The following ELFN2 variants were observed in gnomAD, a reference collection of about 807,000 sequenced individuals.
ELFN2 encodes the protein protein phosphatase 1 regulatory subunit 29.
ELFN2 carries 17 observed loss-of-function variants against 45.5 expected under a neutral mutation model. That is an observed-to-expected ratio of 0.37 (90% CI 0.26 to 0.56). ELFN2 has a LOEUF of 0.56. Ranked by LOEUF, ELFN2 falls within the 20% of genes least tolerant of loss-of-function variation. The probability of loss-of-function intolerance (pLI) is 0.77; values close to 1 mark genes in which losing one functional copy is unlikely to be tolerated. For synonymous variants in ELFN2, 550 were observed against 551.5 expected (o/e 1.00, Z 0.04); for missense variants, 922 against 1,183.2 (o/e 0.78, Z 3.24).
chr22:37,375,836 C>CCCTCCT lies in ELFN2; in HGVS notation c.-308_-303dup, dbSNP rs142158248. On this transcript the variant is annotated 5_prime_UTR_variant, in exon 3 of 3. Coordinates refer to ENST00000402918, the MANE Select transcript of ELFN2 (RefSeq NM_052906.5). ...GGGTTCTCAGGGCTTGACTTCCTCT[C>CCCTCCT]CCTCCTCCTCCTCCTCCTCCTCCTC... 0.016 allele frequency: 5,647 copies of CCCTCCT among 345,786 alleles called. 175 individuals carry two copies. The highest frequency in any genetic ancestry group is 0.08 in the African/African-American group (3,546 of 44,234). The allele number at this position is 345,786 out of a possible 1,614,324, so 21.4% of individuals were successfully genotyped here. A position where few individuals can be genotyped will look rare whatever the true frequency, so the allele number is the denominator to read the frequency against.
chr22:37,407,156 G>C (rs1932525420), intron 2 of ELFN2, among the ~76,000 whole-genome samples: 1 of 151,762 alleles, frequency 6.6e-6, no homozygotes, highest in African/African-American at 2.4e-5. Context: ...TGTCGTATGT[G>C]TACATGAGCA....
Position 37,374,678 on chromosome 22 carries a change from G to T in ELFN2, c.857C>A (p.Pro286Gln), listed in dbSNP as rs141906471. Residue 286 changes from proline (P) to glutamine (Q), a missense_variant, in exon 3 of 3, where the codon CCG (proline) becomes CAG (glutamine). Pro to Gln is a moderately conservative substitution (Grantham distance 76). This residue lies in a region of ELFN2 where 358 missense variants were observed against 540.4 expected (regional missense o/e 0.66). Transcript: ENST00000402918. Reference protein sequence around the residue: ...NPDEILSVEPPASSTTDASAG... With the variant: ...NPDEILSVEPQASSTTDASAG... Reference sequence around the variant, plus strand: ...CGACGCATCCGTGGTGGACGAGGCCGGCGGCTCCACCGAAAGGATCTCGTC... The same window carrying T: ...CGACGCATCCGTGGTGGACGAGGCCTGCGGCTCCACCGAAAGGATCTCGTC... The T allele has an allele frequency of 2.7e-5, 43 of 1,611,748 alleles. No individual in the cohort carries two copies. Among genetic ancestry groups the T allele is most frequent in the Non-Finnish European group, 3.1e-5 (37 of 1,178,216 alleles).
downstream of ELFN2, among the ~76,000 whole-genome samples, chr22:37,367,290 C>A (rs1370617635): frequency 6.6e-6 from 1 of 152,222 alleles, no homozygotes; most frequent in South Asian, 2.1e-4. Flanking sequence ...AGTGCCTCAG[C>A]CTGACCAGAG....
downstream of ELFN2, among the ~76,000 whole-genome samples, chr22:37,363,953 G>A (rs1220212746): frequency 6.6e-6 from 1 of 152,166 alleles, no homozygotes; most frequent in Non-Finnish European, 1.5e-5. Flanking sequence ...GCAGACAAAG[G>A]GCCTTGGGAA....
At chr22:37,381,243 C>T (rs1182331039) in intron 2 of ELFN2, among the ~76,000 whole-genome samples, 2 of 152,180 alleles carry the variant, frequency 1.3e-5, no homozygotes, top group Admixed American at 6.5e-5. Flanking sequence ...CTCTCTCCTC[C>T]CCGGCTTCCC....
At chr22:37,352,232 G>A (rs969385862) in intron 1 of ELFN2, 1 of 150,860 alleles carries the variant, frequency 6.6e-6, no homozygotes, top group African/African-American at 2.4e-5. Flanking sequence ...CTTCACCCAG[G>A]TACTAAGGTA....
chr22:37,392,479 A>G (rs1213598483), intron 2 of ELFN2, among the ~76,000 whole-genome samples: 3 of 151,720 alleles, frequency 2.0e-5, no homozygotes, highest in African/African-American at 7.3e-5. Context: ...CACCACACCC[A>G]GCTAATTTTT....
chr22:37,387,206 C>T (rs1390709112), intron 2 of ELFN2, among the ~76,000 whole-genome samples: 1 of 152,082 alleles, frequency 6.6e-6, no homozygotes, highest in African/African-American at 2.4e-5. Flanking sequence ...GATGTCCAGG[C>T]CCCCCAATAG....
chr22:37,396,924 T>C (rs1932228019), intron 2 of ELFN2, among the ~76,000 whole-genome samples: 1 of 152,166 alleles, frequency 6.6e-6, no homozygotes, highest in African/African-American at 2.4e-5. Flanking sequence ...CACTTGCCTA[T>C]CACTCACAGG....
In ELFN2 at chr22:37,373,864, C is replaced by G; in HGVS notation, c.1671G>C (p.Leu557=). 6.2e-7 allele frequency: 1 copy of G among 1,613,380 alleles called. No homozygotes were observed. Among genetic ancestry groups the G allele is most frequent in the Admixed American group, 1.7e-5 (1 of 60,036 alleles). The part of the protein sequence containing the change: ...IINNCIDALK[L]DSASFLGGGS... ...CGCCTCCCAGAAAAGAGGCCGAGTCCAGCTTGAGAGCATCGATGCAGTTGT... is the reference window on the plus strand; with the variant it reads ...CGCCTCCCAGAAAAGAGGCCGAGTCGAGCTTGAGAGCATCGATGCAGTTGT... Residue 557 remains leucine, a synonymous_variant, in exon 3 of 3, where the codon CTG becomes CTC. Transcript: ENST00000402918.
At chr22:37,380,888 G>A (rs889119735) in intron 2 of ELFN2, among the ~76,000 whole-genome samples, 2 of 152,148 alleles carry the variant, frequency 1.3e-5, no homozygotes, top group African/African-American at 4.8e-5. Flanking sequence ...GAGCTCCCTT[G>A]TCATGGAGCT....
intron 2 of ELFN2, among the ~76,000 whole-genome samples, chr22:37,382,563 A>T (rs9607455): frequency 0.081 from 799 of 9,832 alleles, 53 homozygotes; most frequent in African/African-American, 0.19. Flanking sequence ...TTTTTTTTTT[A>T]AAAACAGACT....
intron 2 of ELFN2, among the ~76,000 whole-genome samples, chr22:37,404,340 G>C (rs1422547892): frequency 1.3e-5 from 2 of 152,102 alleles, no homozygotes; most frequent in African/African-American, 4.8e-5. Context: ...CAGCAGGGTG[G>C]GCACATGAAG....
chr22:37,382,117 A>G (rs1358824913), intron 2 of ELFN2, among the ~76,000 whole-genome samples: 2 of 152,120 alleles, frequency 1.3e-5, no homozygotes, highest in Non-Finnish European at 2.9e-5. Context: ...CAGGCAAGGA[A>G]CTGAAACTCA....
At chr22:37,396,156 G>T (rs915962835) in intron 2 of ELFN2, among the ~76,000 whole-genome samples, 3 of 152,192 alleles carry the variant, frequency 2.0e-5, no homozygotes, top group African/African-American at 7.2e-5. Context: ...GGACAAATGC[G>T]CCAGAGACTT....
In ELFN2 at chr22:37,375,484, C is replaced by T. The variant is rs142731471; in HGVS notation, c.51G>A (p.Pro17=). The part of the protein sequence containing the change: ...CAAALLCVCR[P]GAVRADCWLI... The stretch of plus-strand genomic sequence containing the variant: ...GCCAGCAGTCGGCACGCACGGCACC[C>T]GGCCGGCACACGCACAGCAGCGCCG... The change falls in exon 3 of 3, where the codon CCG becomes CCA. Residue 17 remains proline, a synonymous_variant. Transcript: ENST00000402918. 3.1e-5 allele frequency: 49 copies of T among 1,595,566 alleles called. No individual in the cohort carries two copies. Among genetic ancestry groups the T allele is most frequent in the African/African-American group, 1.2e-4 (9 of 74,560 alleles).
chr22:37,426,237 C>A (rs1026967068), intron 1 of ELFN2, among the ~76,000 whole-genome samples: 6 of 152,214 alleles, frequency 3.9e-5, no homozygotes, highest in Admixed American at 2.0e-4. Flanking sequence ...CAGCTGAGTG[C>A]ACGGTCAGCA....
At chr22:37,412,458 C>T (rs980128405) in intron 2 of ELFN2, among the ~76,000 whole-genome samples, 1 of 151,228 alleles carries the variant, frequency 6.6e-6, no homozygotes, top group East Asian at 2.0e-4. Context: ...CTCCCTCCTC[C>T]AGCACCTCCA....
chr22:37,357,040 C>G (rs1297026404), intron 1 of ELFN2, among the ~76,000 whole-genome samples: 1 of 152,154 alleles, frequency 6.6e-6, no homozygotes, highest in Non-Finnish European at 1.5e-5. Context: ...CATGTCAGCT[C>G]TACTCCATGG....
Sources: gnomAD v4.1 joint callset for allele counts (sites outside exome capture counted in the v4.1 genomes callset) on GRCh38, gnomAD v4.1.1 for gene constraint, gnomAD v4.1.1 regional missense constraint, MANE v1.5 for transcripts, NCBI Gene and HGNC (gene_info 2026-07-23, HGNC 2026-07-21) for gene names.